The following ACAD9 variants were observed in gnomAD, a reference collection of about 807,000 sequenced individuals.
ACAD9 encodes acyl-CoA dehydrogenase family member 9, also known as complex I assembly factor ACAD9, mitochondrial.
In ACAD9, 53 loss-of-function variants were observed where a neutral mutation model predicts 70.2. The observed-to-expected ratio is 0.75, with a 90% CI of 0.61 to 0.95. The LOEUF (loss-of-function observed/expected upper bound fraction) is 0.95, where lower values mean the gene tolerates loss of function less well. Ranked by LOEUF, ACAD9 falls within the 40% of genes least tolerant of loss-of-function variation. ACAD9 has a pLI of 0.00. For missense variants in ACAD9, 777 were observed against 802.8 expected, an observed-to-expected ratio of 0.97 and a Z score of 0.39; for synonymous variants, 313 against 312.1, an observed-to-expected ratio of 1.00 and a Z score of -0.03.
At chr3:128,900,658 C>T (rs773111319) in intron 7 of ACAD9, among the ~76,000 whole-genome samples, 1 of 152,098 alleles carries the variant, frequency 6.6e-6, no homozygotes, top group Non-Finnish European at 1.5e-5. Context: ...CCACCATACC[C>T]GACTGACCCT....
intron 13 of ACAD9, 137 bp downstream of exon 13, chr3:128,908,401 C>T: frequency 9.4e-7 from 1 of 1,066,872 alleles, no homozygotes; most frequent in South Asian, 1.3e-5. Context: ...TGGAGGGGAC[C>T]TTCCCCTGTG....
At chr3:128,899,907 T>G (rs1433170627) in intron 7 of ACAD9, among the ~76,000 whole-genome samples, 1 of 152,106 alleles carries the variant, frequency 6.6e-6, no homozygotes, top group African/African-American at 2.4e-5. Context: ...CATAAGCACC[T>G]AAGGGGCCAA....
chr3:128,883,715 G>A (rs789230), intron 1 of ACAD9, among the ~76,000 whole-genome samples: 59,728 of 151,914 alleles, frequency 0.39, 13,545 homozygotes, highest in African/African-American at 0.62. Flanking sequence ...ATGGAGGCAG[G>A]GATTCCTTTA....
In ACAD9 at chr3:128,912,062, T is replaced by C. The variant is rs986579375; in HGVS notation, c.1766-445T>C. ...TCAGTGTCCCCACAAAGCCCAGTCG[T>C]GTTGCCAAGTGATGGGTGTAGGCGC... On this transcript the variant is annotated intron_variant, in intron 17 of 17. Transcript: ENST00000308982. 2.6e-5 allele frequency among the ~76,000 whole-genome samples: 4 copies of C among 152,356 alleles called. No homozygotes were observed. In the South Asian group the frequency reaches 8.3e-4, roughly 32 times the overall value.
intron 7 of ACAD9, among the ~76,000 whole-genome samples, chr3:128,900,634 ATT>A (rs1260057030): frequency 2.0e-5 from 3 of 150,746 alleles, no homozygotes; most frequent in African/African-American, 7.3e-5. Flanking sequence ...AAATGCTGGG[ATT>A]ATAGGCATGA....
intron 4 of ACAD9, among the ~76,000 whole-genome samples, chr3:128,895,916 C>T (rs1297934374): frequency 6.6e-6 from 1 of 152,240 alleles, no homozygotes; most frequent in Non-Finnish European, 1.5e-5. Flanking sequence ...GGCTCCCCCA[C>T]CCCAGAGAGC....
At chr3:128,882,270 C>T (rs1935116851) in intron 1 of ACAD9, among the ~76,000 whole-genome samples, 1 of 152,206 alleles carries the variant, frequency 6.6e-6, no homozygotes, top group African/African-American at 2.4e-5. Context: ...AACTGAGTTC[C>T]TGGTTCCCAC....
chr3:128,887,422 G>A (rs1935281650), intron 2 of ACAD9, among the ~76,000 whole-genome samples: 1 of 151,750 alleles, frequency 6.6e-6, no homozygotes, highest in Non-Finnish European at 1.5e-5. Flanking sequence ...CCTAGGCAAT[G>A]GAGCGAAACC....
rs1436892805 is a variant in ACAD9, at chr3:128,887,644, A to AATAAAT, written c.244+2901_244+2902insAATATA. Among the ~76,000 whole-genome samples the AATAAAT allele has an allele frequency of 4.7e-3, 621 of 133,084 alleles. 4 individuals are homozygous for AATAAAT. Among genetic ancestry groups the AATAAAT allele is most frequent in the Middle Eastern group, 0.041 (11 of 268 alleles). The allele number at this position is 133,084 out of a possible 152,430, so 87.3% of individuals were successfully genotyped here. A position where few individuals can be genotyped will look rare whatever the true frequency, so the allele number is the denominator to read the frequency against. On this transcript the variant is annotated intron_variant, in intron 2 of 17. Coordinates refer to ENST00000308982, the MANE Select transcript of ACAD9 (RefSeq NM_014049.5). ...AAAAATAAAAATAAAAAAATAAATA[A>AATAAAT]ATATATATATATATATATATATATG...
chr3:128,886,597 A>T (rs1386968402), intron 2 of ACAD9, among the ~76,000 whole-genome samples: 4 of 151,674 alleles, frequency 2.6e-5, no homozygotes, highest in Non-Finnish European at 5.9e-5. Flanking sequence ...AATCCCAGCT[A>T]CTCAGGAGGC....
intron 7 of ACAD9, among the ~76,000 whole-genome samples, chr3:128,900,971 T>A (rs564080771): frequency 6.6e-6 from 1 of 152,208 alleles, no homozygotes; most frequent in Non-Finnish European, 1.5e-5. Context: ...CTTAGAAAAG[T>A]CTGACATAGT....
At chr3:128,890,843 A>AT (rs552712853) in intron 2 of ACAD9, among the ~76,000 whole-genome samples, 24,946 of 143,412 alleles carry the variant, frequency 0.17, 3,257 homozygotes, top group African/African-American at 0.37. Context: ...TTTTAGAGCA[A>AT]TTTTTTTTTT....
intron 2 of ACAD9, among the ~76,000 whole-genome samples, chr3:128,893,344 G>A (rs1398797400): frequency 6.6e-6 from 1 of 152,074 alleles, no homozygotes; most frequent in Non-Finnish European, 1.5e-5. Context: ...GTGAGACCTT[G>A]TCTCTAAATA....
At chr3:128,909,822 G>C in intron 15 of ACAD9, 199 bp from the exon 16 acceptor site, 1 of 757,806 alleles carries the variant, frequency 1.3e-6, no homozygotes, top group Non-Finnish European at 2.2e-6. Context: ...ACCCCTCCCT[G>C]AATCTAGAGC....
At chr3:128,897,580 T>C in intron 5 of ACAD9, 52 bp from the exon 6 acceptor site, 1 of 1,548,358 alleles carries the variant, frequency 6.5e-7, no homozygotes, top group Non-Finnish European at 8.8e-7. Flanking sequence ...CTCAAAAGCA[T>C]TCATATTTAT....
At chr3:128,880,157 T>A (rs888392237) in intron 1 of ACAD9, 1 of 677,430 alleles carries the variant, frequency 1.5e-6, no homozygotes, top group Admixed American at 3.2e-5. Flanking sequence ...GGTCTGGAAA[T>A]GTGCGGGGCT....
Position 128,909,088 on chromosome 3 carries a change from C to T in ACAD9, c.1474C>T (p.Pro492Ser), listed in dbSNP as rs886057958. The change falls in exon 14 of 18, where the codon CCC becomes TCC. Residue 492 changes from proline to serine, a missense_variant. Transcript: ENST00000308982. ...GACAGGCAACCATGGAGTTGTGCAC[C>T]CCAGTCTTGCGGTGAGTGGGCCTAA... ...GLTGNHGVVH[P>S]SLADSANKFE... 3.1e-6 allele frequency: 5 copies of T among 1,613,900 alleles called. No homozygotes were observed. The highest frequency in any genetic ancestry group is 4.2e-6 in the Non-Finnish European group (5 of 1,180,022).
intron 1 of ACAD9, among the ~76,000 whole-genome samples, chr3:128,884,134 C>A (rs1312612354): frequency 6.6e-6 from 1 of 152,204 alleles, no homozygotes; most frequent in African/African-American, 2.4e-5. Context: ...GTCAGCATAG[C>A]ATCTTTGAGC....
intron 16 of ACAD9, 151 bp downstream of exon 16, chr3:128,910,300 CAGG>C (rs1576353150): frequency 6.7e-7 from 1 of 1,501,432 alleles, no homozygotes; most frequent in African/African-American, 1.4e-5. Flanking sequence ...CTGTGCTGCT[CAGG>C]AGATGGGGCT....
Sources: gnomAD v4.1 joint callset for allele counts (sites outside exome capture counted in the v4.1 genomes callset) on GRCh38, gnomAD v4.1.1 for gene constraint, MANE v1.5 for transcripts, NCBI Gene and HGNC (gene_info 2026-07-23, HGNC 2026-07-21) for gene names.